The following NRK variants were observed in gnomAD, a reference collection of about 807,000 sequenced individuals.
NRK encodes Nik related kinase.
A neutral mutation model predicts 125.2 loss-of-function variants in NRK; 67 were observed. The observed-to-expected ratio is 0.54, with a 90% CI of 0.44 to 0.66. The LOEUF (loss-of-function observed/expected upper bound fraction) is 0.66, where lower values mean the gene tolerates loss of function less well. NRK is among the 30% of genes least tolerant of loss of function. NRK has a pLI of 0.00. For synonymous variants in NRK, 458 were observed against 429.0 expected, an observed-to-expected ratio of 1.07 and a Z score of -0.84; for missense variants, 1,224 against 1,192.9, an observed-to-expected ratio of 1.03 and a Z score of -0.38.
chrX:105,830,184 A>G (rs1169404061), intron 1 of NRK, among the ~76,000 whole-genome samples: 1 of 107,385 alleles, frequency 9.3e-6, no homozygotes, highest in Admixed American at 1.0e-4. Context: ...TCTGCTAAAA[A>G]TACAAAATAA....
chrX:105,841,923 C>T (rs192912232), intron 2 of NRK, among the ~76,000 whole-genome samples: 11 of 110,797 alleles, frequency 9.9e-5, no homozygotes, highest in Non-Finnish European at 1.5e-4. Context: ...ATCTCACAAA[C>T]GAGCAAACAG....
At chrX:105,850,199 G>C (rs1298417992) in intron 2 of NRK, among the ~76,000 whole-genome samples, 1 of 112,648 alleles carries the variant, frequency 8.9e-6, no homozygotes, top group Non-Finnish European at 1.9e-5. Context: ...AAGGCTTGGG[G>C]CTTGCACCCT....
At chrX:105,858,638 A>T (rs979292043) in intron 2 of NRK, among the ~76,000 whole-genome samples, 1 of 110,799 alleles carries the variant, frequency 9.0e-6, no homozygotes, top group African/African-American at 3.3e-5. Context: ...AAAGCATTGC[A>T]CTAGTATCTG....
chrX:105,930,980 GCCCT>G (rs1386560696), intron 19 of NRK, among the ~76,000 whole-genome samples: 1 of 112,068 alleles, frequency 8.9e-6, no homozygotes, highest in East Asian at 2.8e-4. Context: ...TCAGGAATTT[GCCCT>G]CCAGTGTTGA....
At chrX:105,907,654 A>G (rs1569307651) in intron 11 of NRK, 3 of 112,349 alleles carry the variant, frequency 2.7e-5, no homozygotes, top group African/African-American at 9.7e-5. Flanking sequence ...GAAAAGTTCC[A>G]TTTATATGGA....
At chrX:105,826,222 A>G (rs748346213) in intron 1 of NRK, among the ~76,000 whole-genome samples, 371 of 90,037 alleles carry the variant, frequency 4.1e-3, no homozygotes, top group Non-Finnish European at 7.1e-3. Context: ...ATAATATGTG[A>G]TAATATATTA....
At chrX:105,832,670 C>T (rs764521302) in intron 2 of NRK, among the ~76,000 whole-genome samples, 3 of 111,024 alleles carry the variant, frequency 2.7e-5, no homozygotes, top group African/African-American at 9.8e-5. Flanking sequence ...CCCAGAGGGG[C>T]TTCTTTTCTT....
intron 2 of NRK, among the ~76,000 whole-genome samples, chrX:105,864,917 G>A (rs977304092): frequency 9.0e-6 from 1 of 110,981 alleles, no homozygotes; most frequent in Non-Finnish European, 1.9e-5. Context: ...TGGGCTGGAA[G>A]CAGCTTACAG....
At position 105,822,587 on chromosome X, in the gene NRK, A is replaced by AG; in HGVS notation, c.-257dup. The AG allele has an allele frequency of 2.4e-6, 1 of 419,537 alleles. No homozygotes were observed. Among genetic ancestry groups the AG allele is most frequent in the Non-Finnish European group, 4.2e-6 (1 of 238,161 alleles). 34.6% of individuals were successfully genotyped at this position (419,537 alleles called of 1,213,427 possible). ...GCACCCTTCTAGCTTCTTCGTCTCC[A>AG]GGACTGACGCTCAGGCTCCTCTCTC... On this transcript the variant is annotated 5_prime_UTR_variant, in exon 1 of 29. Coordinates refer to ENST00000243300, the MANE Select transcript of NRK (RefSeq NM_198465.4).
At chrX:105,830,905 C>A (rs1462735772) in intron 1 of NRK, 149 bp from the exon 2 acceptor site, 4 of 388,772 alleles carry the variant, frequency 1.0e-5, no homozygotes, top group Non-Finnish European at 1.8e-5. Flanking sequence ...GTGCAGCACA[C>A]CAACATGGCA....
chrX:105,937,671 C>A, intron 22 of NRK, 89 bp downstream of exon 22: 1 of 561,970 alleles, frequency 1.8e-6, no homozygotes. Context: ...TTAAAGTGTT[C>A]CTAGAAGAGC....
intron 26 of NRK, among the ~76,000 whole-genome samples, chrX:105,947,144 T>TCCTTAAAGCAGATACTC (rs1434603103): frequency 1.8e-5 from 2 of 111,550 alleles, no homozygotes; most frequent in East Asian, 5.6e-4. Context: ...ACTCCTCAAC[T>TCCTTAAAGCAGATACTC]CTTAAATGCT....
At chrX:105,883,206 A>G (rs1602636891) in intron 4 of NRK, among the ~76,000 whole-genome samples, 1 of 112,832 alleles carries the variant, frequency 8.9e-6, no homozygotes, top group East Asian at 2.8e-4. Flanking sequence ...AGAGTGGCAA[A>G]CACACTAACG....
intron 9 of NRK, among the ~76,000 whole-genome samples, chrX:105,901,159 T>C (rs2040152263): frequency 9.0e-6 from 1 of 110,841 alleles, no homozygotes; most frequent in Non-Finnish European, 1.9e-5. Flanking sequence ...TGTTTTTTTT[T>C]TCCTCTGGAG....
chrX:105,823,340 G>A (rs1165489171), intron 1 of NRK, among the ~76,000 whole-genome samples: 1 of 111,973 alleles, frequency 8.9e-6, no homozygotes, highest in Non-Finnish European at 1.9e-5. Context: ...CTTTTGCCAT[G>A]GGAGATGCTT....
At chrX:105,821,963 GC>G (rs1182675521), upstream of NRK, among the ~76,000 whole-genome samples, 2 of 112,253 alleles carry the variant, frequency 1.8e-5, no homozygotes, top group African/African-American at 6.5e-5. Flanking sequence ...AGCTGTGACA[GC>G]CCCGGGGCGT....
chrX:105,898,537 C>T (rs767192661), intron 7 of NRK, 47 bp from the exon 8 acceptor site: 3 of 1,128,994 alleles, frequency 2.7e-6, no homozygotes, highest in Admixed American at 5.3e-5. Context: ...ACTTATTAAG[C>T]TTTTTTCTCC....
At chrX:105,946,701 A>T (rs1004812288) in intron 26 of NRK, among the ~76,000 whole-genome samples, 2 of 110,505 alleles carry the variant, frequency 1.8e-5, no homozygotes, top group Non-Finnish European at 3.8e-5. Context: ...GTCTTGCCTA[A>T]TTTTTTTTTA....
chrX:105,919,851 C>T (rs1400562631), intron 16 of NRK, among the ~76,000 whole-genome samples: 1 of 110,884 alleles, frequency 9.0e-6, no homozygotes, highest in Non-Finnish European at 1.9e-5. Context: ...GTTGCCTATT[C>T]GCTCTGATGG....
Sources: allele counts gnomAD v4.1 joint callset (sites outside exome capture counted in the v4.1 genomes callset), GRCh38; gene constraint gnomAD v4.1.1; transcripts MANE v1.5; gene names NCBI Gene and HGNC (gene_info 2026-07-23, HGNC 2026-07-21).